Variants in NAV2 observed in about 807,000 individuals in gnomAD.
NAV2 encodes the protein helicase, APC down-regulated 1.
In NAV2, 54 loss-of-function variants were observed where a neutral mutation model predicts 223.2. That is an observed-to-expected ratio of 0.24 (90% CI 0.19 to 0.30). The LOEUF is 0.30. Among genes scored for constraint, NAV2 ranks in the 10% least tolerant of loss-of-function variants. The probability of loss-of-function intolerance (pLI) is 1.00; values close to 1 mark genes in which losing one functional copy is unlikely to be tolerated. For synonymous variants in NAV2, 1,279 were observed against 1,239.3 expected, an observed-to-expected ratio of 1.03 and a Z score of -0.67; for missense variants, 2,806 against 3,147.5, an observed-to-expected ratio of 0.89 and a Z score of 2.60.
chr11:19,741,893 C>T lies in NAV2; in HGVS notation c.267+27931C>T, dbSNP rs565339204. ...CCAGAAGGGGGATTGCTGGGTCATA[C>T]GGCATTTCCACTTTTAATTTCTTGA... On this transcript the variant is annotated intron_variant, in intron 1 of 37. Transcript: ENST00000349880. 4.6e-5 allele frequency among the ~76,000 whole-genome samples: 7 copies of T among 152,028 alleles called. 1 individual carries two copies. Among genetic ancestry groups the T allele is most frequent in the South Asian group, 2.1e-4 (1 of 4,808 alleles).
intron 11 of NAV2, among the ~76,000 whole-genome samples, chr11:19,992,967 A>C (rs61877344): frequency 0.077 from 11,723 of 152,212 alleles, 573 homozygotes; most frequent in South Asian, 0.12. Context: ...ATCATTGTTC[A>C]AAGTGTGGAG....
At chr11:19,355,757 G>A (rs994808696) in intron 1 of NAV2, among the ~76,000 whole-genome samples, 69 of 152,178 alleles carry the variant, frequency 4.5e-4, no homozygotes, top group African/African-American at 1.4e-3. Context: ...TCTTACAGAT[G>A]TTTTGTTTAC....
In NAV2 at chr11:19,948,796, G is replaced by A. The variant is rs2047147246; in HGVS notation, c.2361G>A (p.Gln787=). Residue 787 remains glutamine (Q), a synonymous_variant, in exon 10 of 38, where the codon CAG becomes CAA. Transcript: ENST00000349880. ...RPTPLSWRLG[Q]SSPRLQAGDA... ...CACCTCTGTCCTGGAGACTGGGCCA[G>A]TCCAGCCCTCGGCTCCAAGCAGGAG... 6.2e-7 allele frequency: 1 copy of A among 1,613,928 alleles called. No homozygotes were observed. Among genetic ancestry groups the A allele is most frequent in the African/African-American group, 1.3e-5 (1 of 74,882 alleles).
intron 1 of NAV2, among the ~76,000 whole-genome samples, chr11:19,812,218 A>T (rs1306112593): frequency 6.6e-6 from 1 of 151,972 alleles, no homozygotes; most frequent in African/African-American, 2.4e-5. Flanking sequence ...ATGAGTTCCC[A>T]GGCCATGCTA....
intron 1 of NAV2, among the ~76,000 whole-genome samples, chr11:19,620,153 G>A (rs929196737): frequency 2.4e-4 from 37 of 152,000 alleles, no homozygotes; most frequent in Non-Finnish European, 3.1e-4. Context: ...TGCTGTTTTG[G>A]TTACTGTAGC....
chr11:19,883,225 T>C lies in NAV2; in HGVS notation c.770+3098T>C, dbSNP rs146818349. On this transcript the variant is annotated intron_variant, in intron 5 of 37. Transcript: ENST00000349880. Reference sequence around the variant, plus strand: ...ATACTAAAGCTTGGACAACATTCCATGAAGTTTGCTGGTAAAGGAGCTATG... The same window carrying C: ...ATACTAAAGCTTGGACAACATTCCACGAAGTTTGCTGGTAAAGGAGCTATG... Among the ~76,000 whole-genome samples the C allele has an allele frequency of 6.4e-4, 97 of 152,326 alleles. 2 individuals are homozygous for C. In the East Asian group the frequency reaches 0.011, roughly 17 times the overall value.
chr11:19,559,599 A>T lies in NAV2; in HGVS notation c.75+208572A>T, dbSNP rs370405539. 3.3e-4 allele frequency among the ~76,000 whole-genome samples: 50 copies of T among 152,260 alleles called. No homozygotes were observed. The South Asian group carries it at 5.6e-3, about 17-fold the overall frequency. On this transcript the variant is annotated intron_variant, in intron 1 of 37. Transcript: ENST00000360655. ...TGTATTCATGCTTCCTTTCCTTGGCACTAGGGTGGCTGAGGGTGGATGGCA... is the reference window on the plus strand; with the variant it reads ...TGTATTCATGCTTCCTTTCCTTGGCTCTAGGGTGGCTGAGGGTGGATGGCA...
At chr11:19,895,436 C>G (rs759495239) in intron 6 of NAV2, among the ~76,000 whole-genome samples, 1 of 152,112 alleles carries the variant, frequency 6.6e-6, no homozygotes, top group Non-Finnish European at 1.5e-5. Flanking sequence ...ACTGTTAACT[C>G]AATTTTACAG....
chr11:19,527,298 A>G (rs1035324704), intron 1 of NAV2, among the ~76,000 whole-genome samples: 2 of 151,998 alleles, frequency 1.3e-5, no homozygotes, highest in African/African-American at 4.8e-5. Flanking sequence ...TGTAAGATGT[A>G]CCTTTTGCCT....
intron 10 of NAV2, among the ~76,000 whole-genome samples, chr11:19,953,952 G>C (rs1301327847): frequency 6.6e-6 from 1 of 152,072 alleles, no homozygotes; most frequent in African/African-American, 2.4e-5. Context: ...CCAGAGACTG[G>C]GACTTAGCAG....
chr11:19,581,566 T>C (rs1306071771), intron 1 of NAV2, among the ~76,000 whole-genome samples: 1 of 152,126 alleles, frequency 6.6e-6, no homozygotes, highest in Non-Finnish European at 1.5e-5. Context: ...CCTTCCTGTG[T>C]CCATGTGTCT....
chr11:19,590,739 T>C (rs2046037680), intron 1 of NAV2, among the ~76,000 whole-genome samples: 1 of 152,200 alleles, frequency 6.6e-6, no homozygotes, highest in Admixed American at 6.5e-5. Context: ...AACAACCAAA[T>C]ACCACCATTA....
chr11:19,900,395 T>C (rs1248496874), intron 6 of NAV2, among the ~76,000 whole-genome samples: 1 of 152,208 alleles, frequency 6.6e-6, no homozygotes, highest in African/African-American at 2.4e-5. Context: ...TGTTTGAGTA[T>C]TGGCTCTGCC....
rs1002247953 is a variant in NAV2 at position 20,092,081 on chromosome 11, G to T, written c.5653-125G>T. ...CAAACACTGCTAAATCTCTCTGAGG[G>T]TGTTGTTCGCCTTGGGTGGAAGACC... On this transcript the variant is annotated intron_variant, in intron 27 of 37. Transcript: ENST00000349880. The T allele has an allele frequency of 2.9e-5, 24 of 819,868 alleles. No individual in the cohort carries two copies. The African/African-American group carries it at 3.9e-4, about 13-fold the overall frequency. The allele number at this position is 819,868 out of a possible 1,614,324, so 50.8% of individuals were successfully genotyped here.
chr11:20,046,674 T>C (rs2057474512), intron 14 of NAV2, among the ~76,000 whole-genome samples: 1 of 152,022 alleles, frequency 6.6e-6, no homozygotes, highest in Non-Finnish European at 1.5e-5. Flanking sequence ...GATTTCCTGT[T>C]ACCTTAAATA....
chr11:19,710,446 G>A (rs1437419122), upstream of NAV2, among the ~76,000 whole-genome samples: 1 of 152,228 alleles, frequency 6.6e-6, no homozygotes, highest in African/African-American at 2.4e-5. Context: ...TGCACTGAAT[G>A]CATGATATAT....
At chr11:19,508,523 T>G (rs1366629813) in intron 1 of NAV2, among the ~76,000 whole-genome samples, 1 of 152,156 alleles carries the variant, frequency 6.6e-6, no homozygotes, top group Admixed American at 6.5e-5. Context: ...CAGTTCTCAT[T>G]CTCAGTCCCA....
chr11:19,841,025 T>A (rs1215035926), intron 2 of NAV2, among the ~76,000 whole-genome samples: 4 of 152,226 alleles, frequency 2.6e-5, no homozygotes, highest in African/African-American at 9.6e-5. Flanking sequence ...GTGGGCATCT[T>A]GTTTGTGCTT....
chr11:19,982,622 T>C (rs936898226), intron 10 of NAV2, among the ~76,000 whole-genome samples: 2 of 152,168 alleles, frequency 1.3e-5, no homozygotes, highest in Non-Finnish European at 2.9e-5. Flanking sequence ...TTGGGGATCA[T>C]TAATGTCATA....
Sources: gnomAD v4.1 joint callset for allele counts (sites outside exome capture counted in the v4.1 genomes callset) on GRCh38, gnomAD v4.1.1 for gene constraint, MANE v1.5 for transcripts, NCBI Gene and HGNC (gene_info 2026-07-23, HGNC 2026-07-21) for gene names.